The following SRSF9 variants were observed in gnomAD, a reference collection of about 807,000 sequenced individuals.
SRSF9 encodes serine/arginine-rich splicing factor 9.
A neutral mutation model predicts 25.9 loss-of-function variants in SRSF9; 3 were observed. The ratio of observed to expected loss-of-function variants is 0.12; its 90% CI spans 0.05 to 0.30. SRSF9 has a LOEUF of 0.30. Among genes scored for constraint, SRSF9 ranks in the 10% least tolerant of loss-of-function variants. The probability of loss-of-function intolerance (pLI) is 1.00; values close to 1 mark genes in which losing one functional copy is unlikely to be tolerated. For synonymous variants in SRSF9, 114 were observed against 113.2 expected, an observed-to-expected ratio of 1.01 and a Z score of -0.05; for missense variants, 161 against 303.5, an observed-to-expected ratio of 0.53 and a Z score of 3.49.
rs1270427817 is a variant in SRSF9, at chr12:120,461,841, T to G, written c.*178A>C. The G allele has an allele frequency of 9.7e-6, 6 of 619,000 alleles. No homozygotes were observed. Among genetic ancestry groups the G allele is most frequent in the Admixed American group, 3.9e-5 (1 of 25,776 alleles). 38.3% of individuals were successfully genotyped at this position (619,000 alleles called of 1,614,324 possible). A position where few individuals can be genotyped will look rare whatever the true frequency, so the allele number is the denominator to read the frequency against. On this transcript the variant is annotated 3_prime_UTR_variant, in exon 4 of 4. Coordinates refer to ENST00000229390, the MANE Select transcript of SRSF9 (RefSeq NM_003769.3). The stretch of plus-strand genomic sequence containing the variant: ...AACCAAAACCACAATTTCTGCAGTT[T>G]AAAATGTTTCACTGCTAATATGGCC...
intron 2 of SRSF9, chr12:120,465,026 T>G (rs1429690044): frequency 6.6e-6 from 1 of 152,158 alleles, no homozygotes; most frequent in East Asian, 1.9e-4. Flanking sequence ...TCGATTTATT[T>G]CATTCCACCA....
intron 1 of SRSF9, among the ~76,000 whole-genome samples, chr12:120,468,196 G>A (rs772613912): frequency 2.6e-5 from 4 of 151,090 alleles, no homozygotes; most frequent in Non-Finnish European, 5.9e-5. Context: ...AATTTGATCC[G>A]CTGAGACGGG....
At chr12:120,463,757 TGAA>T (rs1222433900) in intron 3 of SRSF9, 190 bp downstream of exon 3, 1 of 568,596 alleles carries the variant, frequency 1.8e-6, no homozygotes, top group African/African-American at 1.9e-5. Context: ...AAACGTACCA[TGAA>T]TGCATACTTC....
At chr12:120,464,950 C>G (rs1427847853) in intron 2 of SRSF9, 1 of 152,138 alleles carries the variant, frequency 6.6e-6, no homozygotes, top group Non-Finnish European at 1.5e-5. Context: ...GAGAGTATCA[C>G]TCTTAAGCAC....
At chr12:120,465,908 A>C (rs1878472429) in intron 1 of SRSF9, 121 bp from the exon 2 acceptor site, 2 of 938,032 alleles carry the variant, frequency 2.1e-6, no homozygotes, top group South Asian at 3.8e-5. Flanking sequence ...AGTGAAGAAA[A>C]AAACACACAA....
chr12:120,463,186 CTG>C (rs1269566842), intron 3 of SRSF9: 1 of 152,280 alleles, frequency 6.6e-6, no homozygotes, highest in African/African-American at 2.4e-5. Flanking sequence ...CTCAATCAAA[CTG>C]AGATCCAAAA....
intron 1 of SRSF9, among the ~76,000 whole-genome samples, chr12:120,467,792 G>A (rs183745362): frequency 2.7e-5 from 4 of 150,376 alleles, no homozygotes; most frequent in Admixed American, 2.7e-4. Flanking sequence ...ACAGAAGAGG[G>A]AGTTCAAATC....
At chr12:120,462,277 G>C in intron 3 of SRSF9, 115 bp from the exon 4 acceptor site, 1 of 1,131,280 alleles carries the variant, frequency 8.8e-7, no homozygotes, top group Non-Finnish European at 1.2e-6. Context: ...TGTGTACTCT[G>C]TGCCTGGCAT....
At position 120,466,251 on chromosome 12, in the gene SRSF9, C is replaced by T. The variant is rs146399468; in HGVS notation, c.189-464G>A. Among the ~76,000 whole-genome samples the T allele has an allele frequency of 2.6e-5, 4 of 152,070 alleles. No individual in the cohort carries two copies. In the East Asian group the frequency reaches 7.7e-4, roughly 29 times the overall value. ...GCGGTTAGCCAGGCATGGTGTTGCA[C>T]GCCTGTAGTCCCAGCTACTTGAGAG... On this transcript the variant is annotated intron_variant, in intron 1 of 3. Coordinates refer to ENST00000229390, the MANE Select transcript of SRSF9 (RefSeq NM_003769.3).
chr12:120,469,314 GCGGGGGGAGGGGAGGC>G (rs1051411783), intron 1 of SRSF9, 92 bp downstream of exon 1: 85 of 710,644 alleles, frequency 1.2e-4, no homozygotes, highest in Non-Finnish European at 1.7e-4. Context: ...CTGCGCGGAG[GCGGGGGGAGGGGAGGC>G]CGGGGGGAGG....
chr12:120,469,114 A>T (rs1376238327), intron 1 of SRSF9, among the ~76,000 whole-genome samples: 1 of 152,142 alleles, frequency 6.6e-6, no homozygotes, highest in Non-Finnish European at 1.5e-5. Flanking sequence ...CAGGAGGCGG[A>T]CAAGGCTCAT....
chr12:120,469,389 G>T, intron 1 of SRSF9, 33 bp downstream of exon 1: 1 of 1,538,264 alleles, frequency 6.5e-7, no homozygotes, highest in Non-Finnish European at 8.8e-7. Context: ...CTCAGGCACC[G>T]AGGAGGAGAG....
chr12:120,464,476 T>C (rs566124), intron 2 of SRSF9: 74,575 of 173,302 alleles, frequency 0.43, 18,242 homozygotes, highest in African/African-American at 0.7. Flanking sequence ...TTTTCCATTA[T>C]GAAATTTAAC....
At chr12:120,467,369 C>T (rs1001077511) in intron 1 of SRSF9, among the ~76,000 whole-genome samples, 3 of 152,092 alleles carry the variant, frequency 2.0e-5, no homozygotes, top group Non-Finnish European at 4.4e-5. Context: ...GGCATGGCAT[C>T]GCGCAGCTGT....
At chr12:120,469,270 C>T in intron 1 of SRSF9, 152 bp downstream of exon 1, 1 of 517,270 alleles carries the variant, frequency 1.9e-6, no homozygotes, top group Non-Finnish European at 3.4e-6. Flanking sequence ...GAGGCTGCCT[C>T]ATCCTCCACC....
At chr12:120,465,571 G>A in intron 2 of SRSF9, 56 bp downstream of exon 2, 2 of 1,508,064 alleles carry the variant, frequency 1.3e-6, no homozygotes, top group Non-Finnish European at 1.8e-6. Flanking sequence ...TTGGAAGACA[G>A]ACTCTGTGTT....
intron 1 of SRSF9, among the ~76,000 whole-genome samples, chr12:120,468,760 G>C (rs940874802): frequency 5.3e-5 from 8 of 152,224 alleles, no homozygotes; most frequent in Admixed American, 4.6e-4. Context: ...CCTTAGAGCG[G>C]GGTTAGGAAT....
chr12:120,461,954 T>C lies in SRSF9; in HGVS notation c.*65A>G, dbSNP rs201309578. ...GACACTAAATCCTCAATCTGGAATG[T>C]AGATTCTGAGCACAAAGCAGCTCAG... is the stretch of plus-strand genomic sequence containing the variant. On this transcript the variant is annotated 3_prime_UTR_variant, in exon 4 of 4. Coordinates refer to ENST00000229390, the MANE Select transcript of SRSF9 (RefSeq NM_003769.3). 11 of 1,436,524 alleles carry C rather than the reference T, an allele frequency of 7.7e-6. No homozygotes were observed. In the East Asian group the frequency reaches 2.8e-4, roughly 37 times the overall value. 89.0% of individuals were successfully genotyped at this position (1,436,524 alleles called of 1,614,324 possible).
rs564485413 is a variant in SRSF9, at chr12:120,469,388, CGAG to C, written c.188+31_188+33del. The C allele has an allele frequency of 6.1e-5, 93 of 1,515,546 alleles. No homozygotes were observed. In the South Asian group the frequency reaches 7.6e-4, roughly 12 times the overall value. The allele number at this position is 1,515,546 out of a possible 1,614,324, so 93.9% of individuals were successfully genotyped here. On this transcript the variant is annotated intron_variant, in intron 1 of 3. Coordinates refer to ENST00000229390, the MANE Select transcript of SRSF9 (RefSeq NM_003769.3). The stretch of plus-strand genomic sequence containing the variant: ...CAGGGAAGGCGGGGGCCTCAGGCAC[CGAG>C]GAGGAGAGGGCAGGGGCGCGGGGGC...
Sources: gnomAD v4.1 joint callset for allele counts (sites outside exome capture counted in the v4.1 genomes callset) on GRCh38, gnomAD v4.1.1 for gene constraint, MANE v1.5 for transcripts, NCBI Gene and HGNC (gene_info 2026-07-23, HGNC 2026-07-21) for gene names.